The following CSMD1 variants were observed in gnomAD, a reference collection of about 807,000 sequenced individuals.
CSMD1 encodes CUB and Sushi multiple domains 1.
CSMD1 carries 213 observed loss-of-function variants against 417.5 expected under a neutral mutation model. The ratio of observed to expected loss-of-function variants is 0.51; its 90% CI spans 0.46 to 0.57. CSMD1 has a LOEUF of 0.57. CSMD1 is among the 20% of genes least tolerant of loss of function. CSMD1 has a pLI of 0.00. For synonymous variants in CSMD1, 2,862 were observed against 1,736.8 expected (o/e 1.65, Z -16.11); for missense variants, 6,923 against 4,529.7 (o/e 1.53, Z -15.17).
chr8:4,957,731 C>A (rs1408312386), intron 1 of CSMD1, among the ~76,000 whole-genome samples: 1 of 152,122 alleles, frequency 6.6e-6, no homozygotes, highest in East Asian at 1.9e-4. Context: ...TCTCTTTTCC[C>A]ATTCCCCTTC....
chr8:4,100,416 T>G (rs1300499915), intron 3 of CSMD1, among the ~76,000 whole-genome samples: 1 of 152,162 alleles, frequency 6.6e-6, no homozygotes, highest in East Asian at 1.9e-4. Flanking sequence ...AACTACTCTG[T>G]AGCCCGTTCA....
At chr8:3,473,589 T>G (rs73660044) in intron 11 of CSMD1, among the ~76,000 whole-genome samples, 2 of 152,214 alleles carry the variant, frequency 1.3e-5, no homozygotes, top group African/African-American at 4.8e-5. Context: ...ACTGGTTATC[T>G]GTTTGAAACA....
At chr8:4,850,382 C>CTTTTTTTTTTT in intron 1 of CSMD1, among the ~76,000 whole-genome samples, 9 of 77,822 alleles carry the variant, frequency 1.2e-4, no homozygotes, top group East Asian at 5.2e-4. Flanking sequence ...TCCAATTTAT[C>CTTTTTTTTTTT]TTTTTTTTTT....
chr8:3,437,925 G>C lies in CSMD1; in HGVS notation c.1562-28320C>G, dbSNP rs144398517. On this transcript the variant is annotated intron_variant, in intron 12 of 69. Coordinates refer to ENST00000635120, the MANE Select transcript of CSMD1 (RefSeq NM_033225.6). Reference sequence around the variant, plus strand: ...ACCAGGCCTGGCTAATTCTTTAGTAGAGACAGGGTTTCATCATGTTGGCCA... The same window carrying C: ...ACCAGGCCTGGCTAATTCTTTAGTACAGACAGGGTTTCATCATGTTGGCCA... 7.6e-3 allele frequency among the ~76,000 whole-genome samples: 1,151 copies of C among 152,050 alleles called. 14 individuals are homozygous for C. The highest frequency in any genetic ancestry group is 0.026 in the African/African-American group (1,087 of 41,470).
chr8:4,653,148 C>A (rs2725074), intron 1 of CSMD1, among the ~76,000 whole-genome samples: 82,273 of 151,776 alleles, frequency 0.54, 22,747 homozygotes, highest in East Asian at 0.73. Context: ...GTAGAAATTT[C>A]CAAAGTAGAC....
rs12334862 is a variant in CSMD1, at chr8:3,425,089, C to G, written c.1562-15484G>C. ...CCCTGGGCTCAAGCAATCCTCCTGT[C>G]CCAGCATCCCAAAGCGCCACCATGC... is the stretch of plus-strand genomic sequence containing the variant. On this transcript the variant is annotated intron_variant, in intron 12 of 69. Transcript: ENST00000635120. Among the ~76,000 whole-genome samples the G allele has an allele frequency of 8.5e-3, 1,287 of 152,288 alleles. 17 individuals carry two copies. The highest frequency in any genetic ancestry group is 0.029 in the African/African-American group (1,218 of 41,550).
intron 69 of CSMD1, among the ~76,000 whole-genome samples, chr8:2,940,932 G>A (rs1396671065): frequency 6.6e-6 from 1 of 152,158 alleles, no homozygotes; most frequent in Non-Finnish European, 1.5e-5. Flanking sequence ...AGAGGAACCC[G>A]TGAAAGAAGA....
At chr8:3,406,367 G>T (rs1012564936) in intron 14 of CSMD1, 146 bp from the exon 15 acceptor site, 1 of 417,974 alleles carries the variant, frequency 2.4e-6, no homozygotes, top group East Asian at 3.6e-5. Context: ...TTCATAGATA[G>T]ATAATACATT....
intron 3 of CSMD1, among the ~76,000 whole-genome samples, chr8:4,398,795 A>T (rs111653701): frequency 7.9e-5 from 12 of 152,202 alleles, no homozygotes; most frequent in African/African-American, 2.9e-4. Context: ...TCTTTCACCT[A>T]TGAATGACCC....
chr8:4,509,403 A>C lies in CSMD1; in HGVS notation c.303-89338T>G, dbSNP rs560623603. 4.7e-4 allele frequency among the ~76,000 whole-genome samples: 71 copies of C among 152,334 alleles called. No homozygotes were observed. In the South Asian group the frequency reaches 9.5e-3, roughly 20 times the overall value. On this transcript the variant is annotated intron_variant, in intron 2 of 69. Transcript: ENST00000635120. ...CCATTTTTAGCTGCTTCAAAGGGGA[A>C]TCAGATGTATTGAAATGTAAAGAAT...
intron 54 of CSMD1, among the ~76,000 whole-genome samples, chr8:2,992,460 G>T (rs916450828): frequency 1.3e-5 from 2 of 151,924 alleles, no homozygotes; most frequent in Admixed American, 6.6e-5. Flanking sequence ...GTCTCGCTCT[G>T]TCAGTCAGGC....
At chr8:4,971,692 T>C (rs1310209685) in intron 1 of CSMD1, among the ~76,000 whole-genome samples, 2 of 140,390 alleles carry the variant, frequency 1.4e-5, no homozygotes, top group East Asian at 3.9e-4. Flanking sequence ...TTCTGAAATA[T>C]ATATATATAT....
intron 1 of CSMD1, among the ~76,000 whole-genome samples, chr8:4,794,229 C>T (rs1168558963): frequency 7.5e-6 from 1 of 133,212 alleles, no homozygotes; most frequent in South Asian, 2.5e-4. Flanking sequence ...TTTTATCACA[C>T]TTTTTGTCAG....
chr8:4,486,250 C>CATATAT (rs376449969), intron 2 of CSMD1, among the ~76,000 whole-genome samples: 8 of 13,204 alleles, frequency 6.1e-4, no homozygotes, highest in East Asian at 3.7e-3. Context: ...TATATACATA[C>CATATAT]ATATATATAT....
intron 3 of CSMD1, among the ~76,000 whole-genome samples, chr8:4,187,449 G>C (rs922795412): frequency 1.3e-5 from 2 of 152,106 alleles, no homozygotes; most frequent in Admixed American, 6.5e-5. Flanking sequence ...GAAGAGACCA[G>C]CCTGATCAAC....
intron 12 of CSMD1, among the ~76,000 whole-genome samples, chr8:3,461,594 A>G (rs1391184988): frequency 1.3e-5 from 2 of 152,208 alleles, no homozygotes; most frequent in Non-Finnish European, 2.9e-5. Flanking sequence ...ATCAGCAGGA[A>G]GAGGAAGGGC....
chr8:3,343,269 C>G (rs761865847), intron 23 of CSMD1, 25 bp downstream of exon 23: 1 of 1,597,796 alleles, frequency 6.3e-7, no homozygotes, highest in Non-Finnish European at 8.6e-7. Context: ...GAAAAAAGAA[C>G]GTGATTAAGT....
chr8:4,140,725 T>G (rs1803735483), intron 3 of CSMD1, among the ~76,000 whole-genome samples: 1 of 150,868 alleles, frequency 6.6e-6, no homozygotes, highest in Non-Finnish European at 1.5e-5. Context: ...GGACAATCTG[T>G]AAGTCTTCCC....
intron 3 of CSMD1, among the ~76,000 whole-genome samples, chr8:4,197,042 T>G (rs1236341799): frequency 6.6e-6 from 1 of 152,208 alleles, no homozygotes; most frequent in African/African-American, 2.4e-5. Flanking sequence ...TCTGTTAAAT[T>G]TAACAATTAT....
Sources: allele counts gnomAD v4.1 joint callset (sites outside exome capture counted in the v4.1 genomes callset), GRCh38; gene constraint gnomAD v4.1.1; transcripts MANE v1.5; gene names NCBI Gene and HGNC (gene_info 2026-07-23, HGNC 2026-07-21).